OLA1: variants seen among roughly 807,000 people sequenced by gnomAD.
The protein encoded by OLA1 is obg-like ATPase 1.
A neutral mutation model predicts 48.4 loss-of-function variants in OLA1; 14 were observed. That is an observed-to-expected ratio of 0.29 (90% CI 0.19 to 0.45). The LOEUF is 0.45. Among genes scored for constraint, OLA1 ranks in the 20% least tolerant of loss-of-function variants. OLA1 has a pLI of 1.00. For synonymous variants in OLA1, 127 were observed against 150.4 expected, an observed-to-expected ratio of 0.84 and a Z score of 1.14; for missense variants, 325 against 467.1, an observed-to-expected ratio of 0.70 and a Z score of 2.80.
intron 4 of OLA1, among the ~76,000 whole-genome samples, chr2:174,190,181 T>C (rs183475245): frequency 6.6e-6 from 1 of 152,272 alleles, no homozygotes; most frequent in East Asian, 1.9e-4. Flanking sequence ...AAATAAATGC[T>C]GTGGGCGTGA....
At position 174,080,694 on chromosome 2, in the gene OLA1, T is replaced by C. The variant is rs530901830; in HGVS notation, c.966+458A>G. Among the ~76,000 whole-genome samples, 22 of 152,252 alleles carry C rather than the reference T, an allele frequency of 1.4e-4. No individual in the cohort carries two copies. The East Asian group carries it at 4.2e-3, about 29-fold the overall frequency. ...GTTTAGCTTTTTGAGCCCAACTGTG[T>C]ATCTATGAAGAGCATAATGATGTCA... is the stretch of plus-strand genomic sequence containing the variant. On this transcript the variant is annotated intron_variant, in intron 9 of 10. Transcript: ENST00000284719.
rs921166064 is a variant in OLA1 at position 174,153,098 on chromosome 2, C to T, written c.374-11098G>A. Among the ~76,000 whole-genome samples, 45 of 152,106 alleles carry T rather than the reference C, an allele frequency of 3.0e-4. 1 individual carries two copies. The highest frequency in any genetic ancestry group is 1.0e-3 in the African/African-American group (42 of 41,416). On this transcript the variant is annotated intron_variant, in intron 4 of 10. Coordinates refer to ENST00000284719, the MANE Select transcript of OLA1 (RefSeq NM_013341.5). ...TCAAAAAGCTTAGTAAAATAAAAGG[C>T]ATATGTAGCTGACTTTGAGGGACTA...
intron 3 of OLA1, among the ~76,000 whole-genome samples, chr2:174,225,625 A>T (rs545299555): frequency 7.9e-5 from 12 of 152,174 alleles, no homozygotes; most frequent in Non-Finnish European, 1.8e-4. Flanking sequence ...CTGCAGAACC[A>T]TGAGCCAAAT....
At chr2:174,129,992 T>C (rs372772983) in intron 5 of OLA1, among the ~76,000 whole-genome samples, 1 of 152,270 alleles carries the variant, frequency 6.6e-6, no homozygotes, top group East Asian at 1.9e-4. Context: ...CAGCCAACAA[T>C]GCACTCAGAC....
chr2:174,120,407 C>A (rs910750745), intron 7 of OLA1, among the ~76,000 whole-genome samples: 3 of 152,094 alleles, frequency 2.0e-5, no homozygotes, highest in African/African-American at 7.2e-5. Context: ...CCAAAAACAA[C>A]AAAAACTTCT....
intron 7 of OLA1, among the ~76,000 whole-genome samples, chr2:174,107,034 C>T (rs1333598682): frequency 6.6e-6 from 1 of 152,056 alleles, no homozygotes; most frequent in Non-Finnish European, 1.5e-5. Flanking sequence ...GTCCAGCAAT[C>T]TAAACCATGA....
intron 7 of OLA1, among the ~76,000 whole-genome samples, chr2:174,112,310 T>A (rs912745755): frequency 6.6e-6 from 1 of 152,202 alleles, no homozygotes; most frequent in Non-Finnish European, 1.5e-5. Flanking sequence ...AGTTCCTTAA[T>A]CTCTCCATAC....
chr2:174,129,650 A>G (rs1257968532), intron 5 of OLA1, among the ~76,000 whole-genome samples: 2 of 152,078 alleles, frequency 1.3e-5, no homozygotes, highest in Admixed American at 6.6e-5. Flanking sequence ...TAGATGCCAG[A>G]CAGCTTTTCC....
intron 4 of OLA1, among the ~76,000 whole-genome samples, chr2:174,176,973 G>A (rs1328503912): frequency 1.3e-5 from 2 of 152,032 alleles, no homozygotes; most frequent in Admixed American, 1.3e-4. Context: ...CATTGCTGTT[G>A]TCCCACATCA....
intron 7 of OLA1, among the ~76,000 whole-genome samples, chr2:174,114,100 G>A (rs903434778): frequency 3.3e-5 from 5 of 150,184 alleles, no homozygotes; most frequent in African/African-American, 1.2e-4. Context: ...AGGCTGAGAC[G>A]GGCGGATCAC....
chr2:174,105,566 A>T lies in OLA1; in HGVS notation c.728+17614T>A, dbSNP rs180827108. 3.8e-4 allele frequency among the ~76,000 whole-genome samples: 58 copies of T among 152,156 alleles called. 1 individual carries two copies. The highest frequency in any genetic ancestry group is 3.4e-3 in the Middle Eastern group (1 of 294). On this transcript the variant is annotated intron_variant, in intron 7 of 10. Coordinates refer to ENST00000284719, the MANE Select transcript of OLA1 (RefSeq NM_013341.5). Reference sequence around the variant, plus strand: ...TGCCATACAACTACGAATATTTCAAATATGTCAGGGTAAACTGAAAATCTT... The same window carrying T: ...TGCCATACAACTACGAATATTTCAATTATGTCAGGGTAAACTGAAAATCTT...
At chr2:174,086,514 T>C (rs1235421200) in intron 7 of OLA1, among the ~76,000 whole-genome samples, 1 of 152,200 alleles carries the variant, frequency 6.6e-6, no homozygotes, top group Non-Finnish European at 1.5e-5. Flanking sequence ...CTTTCCACCT[T>C]TTCACTTAAA....
chr2:174,173,642 GA>G (rs1687356585), intron 4 of OLA1, among the ~76,000 whole-genome samples: 1 of 150,698 alleles, frequency 6.6e-6, no homozygotes, highest in Non-Finnish European at 1.5e-5. Context: ...TAGAAAGAAG[GA>G]AATAATAAAA....
chr2:174,123,807 A>C (rs1014782560), intron 5 of OLA1, 132 bp from the exon 6 acceptor site: 3 of 407,754 alleles, frequency 7.4e-6, no homozygotes, highest in African/African-American at 6.2e-5. Flanking sequence ...CACACAAATA[A>C]TTATTTTCAA....
At chr2:174,201,952 C>A (rs1687999993) in intron 4 of OLA1, among the ~76,000 whole-genome samples, 1 of 151,776 alleles carries the variant, frequency 6.6e-6, no homozygotes, top group Non-Finnish European at 1.5e-5. Flanking sequence ...TAGAATTGAC[C>A]CTGAACAACA....
At chr2:174,234,205 G>A (rs1176055437) in intron 2 of OLA1, among the ~76,000 whole-genome samples, 1 of 151,958 alleles carries the variant, frequency 6.6e-6, no homozygotes, top group Non-Finnish European at 1.5e-5. Flanking sequence ...TAGTAGCTAC[G>A]TTTTCTCTTC....
intron 7 of OLA1, among the ~76,000 whole-genome samples, chr2:174,121,370 T>C (rs1433856284): frequency 6.6e-5 from 10 of 152,284 alleles, no homozygotes; most frequent in Admixed American, 1.3e-4. Context: ...AATGGCTAGC[T>C]TGAGGGAAAA....
At chr2:174,090,796 G>C (rs1402930554) in intron 7 of OLA1, among the ~76,000 whole-genome samples, 2 of 152,132 alleles carry the variant, frequency 1.3e-5, no homozygotes, top group African/African-American at 4.8e-5. Flanking sequence ...GTAGCTGAAG[G>C]CATCCCGATA....
At chr2:174,142,910 A>G (rs1235817557) in intron 4 of OLA1, among the ~76,000 whole-genome samples, 2 of 152,224 alleles carry the variant, frequency 1.3e-5, no homozygotes, top group Non-Finnish European at 2.9e-5. Flanking sequence ...AATTTCATTA[A>G]AACTACCAAT....
Sources: allele counts gnomAD v4.1 joint callset (sites outside exome capture counted in the v4.1 genomes callset), GRCh38; gene constraint gnomAD v4.1.1; transcripts MANE v1.5; gene names NCBI Gene and HGNC (gene_info 2026-07-23, HGNC 2026-07-21).